DEPTOR: variants seen among roughly 807,000 people sequenced by gnomAD.
DEPTOR encodes DEP domain-containing mTOR-interacting protein.
DEPTOR carries 41 observed loss-of-function variants against 41.6 expected under a neutral mutation model. That is an observed-to-expected ratio of 0.98 (90% CI 0.77 to 1.28). The LOEUF (loss-of-function observed/expected upper bound fraction) is 1.28, where lower values mean the gene tolerates loss of function less well. Ranked by LOEUF, DEPTOR falls within the 50% of genes most tolerant of loss-of-function variation. The pLI is 0.00. For missense variants in DEPTOR, 514 were observed against 527.9 expected (o/e 0.97, Z 0.26); for synonymous variants, 195 against 192.3 (o/e 1.01, Z -0.12).
intron 4 of DEPTOR, among the ~76,000 whole-genome samples, chr8:119,985,553 T>C (rs961002743): frequency 6.6e-5 from 10 of 152,168 alleles, no homozygotes; most frequent in African/African-American, 2.2e-4. Context: ...CTCTTTAGTT[T>C]AATTAGATCC....
intron 8 of DEPTOR, among the ~76,000 whole-genome samples, chr8:120,033,696 T>A (rs1313339268): frequency 6.6e-6 from 1 of 152,150 alleles, no homozygotes; most frequent in Non-Finnish European, 1.5e-5. Context: ...TGTGCTAGGC[T>A]CCTAAAGATG....
chr8:119,912,923 T>C (rs1827763236), intron 1 of DEPTOR, among the ~76,000 whole-genome samples: 3 of 152,172 alleles, frequency 2.0e-5, no homozygotes, highest in Admixed American at 1.3e-4. Flanking sequence ...TTTTTGTTTT[T>C]TGTTTGTTTG....
At chr8:119,877,035 G>A (rs1160136292) in intron 1 of DEPTOR, among the ~76,000 whole-genome samples, 1 of 152,164 alleles carries the variant, frequency 6.6e-6, no homozygotes, top group African/African-American at 2.4e-5. Flanking sequence ...ATAGAACTAG[G>A]CTGCCTGGGT....
At chr8:119,878,422 C>A (rs1030410948) in intron 1 of DEPTOR, among the ~76,000 whole-genome samples, 4 of 151,358 alleles carry the variant, frequency 2.6e-5, no homozygotes, top group Non-Finnish European at 1.5e-5. Flanking sequence ...CAGGTTCAAG[C>A]GATTCTCCTG....
At position 119,922,034 on chromosome 8, in the gene DEPTOR, TTGAGAC is replaced by T. The variant is rs541921801; in HGVS notation, c.123-6365_123-6360del. ...GGGTGGATCACCTGAGGTCAGGCGTTTGAGACCAGCCTAGCCAACATGATGAAACCC... is the reference window on the plus strand; with the variant it reads ...GGGTGGATCACCTGAGGTCAGGCGTTCAGCCTAGCCAACATGATGAAACCC... On this transcript the variant is annotated intron_variant, in intron 1 of 8. Transcript: ENST00000286234. Among the ~76,000 whole-genome samples, 15 of 152,050 alleles carry T rather than the reference TTGAGAC, an allele frequency of 9.9e-5. No individual in the cohort carries two copies. In the South Asian group the frequency reaches 2.9e-3, roughly 29 times the overall value.
intron 8 of DEPTOR, among the ~76,000 whole-genome samples, chr8:120,029,433 T>C (rs191210368): frequency 2.7e-3 from 409 of 152,326 alleles, no homozygotes; most frequent in African/African-American, 9.1e-3. Flanking sequence ...TCTCACTCTG[T>C]CACCCAGGCT....
intron 3 of DEPTOR, among the ~76,000 whole-genome samples, chr8:119,948,170 TCCCC>T (rs1261179252): frequency 6.6e-6 from 1 of 152,218 alleles, no homozygotes. Flanking sequence ...AACATTTGCT[TCCCC>T]ATCTGATAGT....
chr8:120,048,523 A>G (rs1458613567), intron 8 of DEPTOR, among the ~76,000 whole-genome samples: 1 of 152,196 alleles, frequency 6.6e-6, no homozygotes, highest in Non-Finnish European at 1.5e-5. Context: ...AACCAAGAAA[A>G]GAGAAACAGT....
At chr8:119,925,125 C>T (rs1251007883) in intron 1 of DEPTOR, among the ~76,000 whole-genome samples, 1 of 152,184 alleles carries the variant, frequency 6.6e-6, no homozygotes, top group Non-Finnish European at 1.5e-5. Flanking sequence ...TGTGGTGGCT[C>T]ACGCCTGTAA....
intron 8 of DEPTOR, among the ~76,000 whole-genome samples, chr8:120,032,185 C>T (rs1355980865): frequency 6.7e-6 from 1 of 150,046 alleles, no homozygotes; most frequent in Non-Finnish European, 1.5e-5. Flanking sequence ...CTTTCCAAAA[C>T]TTCATTCTAA....
At position 119,884,124 on chromosome 8, in the gene DEPTOR, C is replaced by T. The variant is rs1827333855; in HGVS notation, c.122+10156C>T. 3.9e-5 allele frequency among the ~76,000 whole-genome samples: 6 copies of T among 152,226 alleles called. No homozygotes were observed. In the South Asian group the frequency reaches 1.2e-3, roughly 31 times the overall value. On this transcript the variant is annotated intron_variant, in intron 1 of 8. Coordinates refer to ENST00000286234, the MANE Select transcript of DEPTOR (RefSeq NM_022783.4). ...CCAGCCTGGAGTGCAGTGGCATGAT[C>T]TTGGCTCACCGCAACCTCCGGTTCC...
At chr8:119,983,707 C>A (rs926348722) in intron 4 of DEPTOR, among the ~76,000 whole-genome samples, 1 of 151,976 alleles carries the variant, frequency 6.6e-6, no homozygotes, top group Admixed American at 6.6e-5. Context: ...TTCTATAAAT[C>A]TAAAGTTATT....
intron 3 of DEPTOR, among the ~76,000 whole-genome samples, chr8:119,964,799 T>C (rs1021114650): frequency 1.3e-5 from 2 of 152,026 alleles, no homozygotes; most frequent in South Asian, 2.1e-4. Flanking sequence ...AAATTACATG[T>C]GTGGTAGGCT....
At chr8:119,914,139 G>T (rs574904219) in intron 1 of DEPTOR, among the ~76,000 whole-genome samples, 1 of 148,478 alleles carries the variant, frequency 6.7e-6, no homozygotes, top group Non-Finnish European at 1.5e-5. Context: ...TCCACCTCCT[G>T]GGTTCAAGCG....
At chr8:119,883,762 G>A (rs973895215) in intron 1 of DEPTOR, among the ~76,000 whole-genome samples, 53 of 152,116 alleles carry the variant, frequency 3.5e-4, no homozygotes, top group Admixed American at 2.2e-3. Flanking sequence ...TACAGATTTT[G>A]GGTTCTGATA....
At chr8:120,018,474 G>A (rs974601461) in intron 8 of DEPTOR, among the ~76,000 whole-genome samples, 1 of 152,168 alleles carries the variant, frequency 6.6e-6, no homozygotes, top group Non-Finnish European at 1.5e-5. Context: ...AGCTACTAGG[G>A]AGGCTGAGGC....
At chr8:119,941,918 G>A (rs1563971654) in intron 3 of DEPTOR, among the ~76,000 whole-genome samples, 1 of 152,126 alleles carries the variant, frequency 6.6e-6, no homozygotes, top group African/African-American at 2.4e-5. Context: ...ACTAAATAAA[G>A]ATAAACGGTA....
intron 1 of DEPTOR, among the ~76,000 whole-genome samples, chr8:119,876,464 C>A (rs1827232215): frequency 6.6e-6 from 1 of 151,990 alleles, no homozygotes; most frequent in African/African-American, 2.4e-5. Context: ...ATGGTGAAAC[C>A]TCATCTCTAC....
chr8:119,981,491 A>G (rs1359879692), intron 4 of DEPTOR, among the ~76,000 whole-genome samples: 3 of 151,760 alleles, frequency 2.0e-5, no homozygotes, highest in Non-Finnish European at 2.9e-5. Flanking sequence ...CTCCATCTCT[A>G]CAAAATATCA....
Sources: gnomAD v4.1 joint callset for allele counts (sites outside exome capture counted in the v4.1 genomes callset) on GRCh38, gnomAD v4.1.1 for gene constraint, MANE v1.5 for transcripts, NCBI Gene and HGNC (gene_info 2026-07-23, HGNC 2026-07-21) for gene names.